GLG1: variants seen among roughly 807,000 people sequenced by gnomAD.
GLG1 encodes the protein Golgi apparatus protein 1.
Under a neutral mutation model 160.5 loss-of-function variants are expected in GLG1, and 38 were observed. That is an observed-to-expected ratio of 0.24 (90% confidence interval 0.18 to 0.31). The LOEUF is 0.31. Among genes scored for constraint, GLG1 ranks in the 10% least tolerant of loss-of-function variants. The pLI is 1.00. For missense variants in GLG1, 1,373 were observed against 1,505.2 expected (o/e 0.91, Z 1.45); for synonymous variants, 644 against 543.4 (o/e 1.19, Z -2.57).
chr16:74,589,192 T>A (rs919571559), intron 1 of GLG1, among the ~76,000 whole-genome samples: 4 of 151,530 alleles, frequency 2.6e-5, no homozygotes, highest in African/African-American at 9.7e-5. Context: ...GAGGCAGAGG[T>A]TGCAGTGAGC....
intron 15 of GLG1, among the ~76,000 whole-genome samples, chr16:74,470,780 G>C (rs563917801): frequency 6.7e-6 from 1 of 148,704 alleles, no homozygotes; most frequent in South Asian, 2.1e-4. Flanking sequence ...TTGCTGTTGA[G>C]ATGGAATCTT....
intron 1 of GLG1, among the ~76,000 whole-genome samples, chr16:74,556,442 C>T (rs1392176778): frequency 2.0e-5 from 3 of 152,008 alleles, no homozygotes; most frequent in Admixed American, 6.6e-5. Context: ...TTTATTTAAA[C>T]CAACTTTAGT....
rs576647077 is a variant in GLG1, at chr16:74,557,806, C to T, written c.439-25653G>A. On this transcript the variant is annotated intron_variant, in intron 1 of 25. Transcript: ENST00000422840. ...TCACCATGCTTTCTAGGCTGGTCTTCAACTCCTGGGTTCAAGTAATCCATC... is the reference window on the plus strand; with the variant it reads ...TCACCATGCTTTCTAGGCTGGTCTTTAACTCCTGGGTTCAAGTAATCCATC... Among the ~76,000 whole-genome samples the T allele has an allele frequency of 2.9e-4, 44 of 150,470 alleles. 1 individual carries two copies. The South Asian group carries it at 9.2e-3, about 32-fold the overall frequency.
At chr16:74,475,104 C>T (rs899606055) in intron 12 of GLG1, among the ~76,000 whole-genome samples, 1 of 145,338 alleles carries the variant, frequency 6.9e-6, no homozygotes, top group Non-Finnish European at 1.5e-5. Flanking sequence ...CTGCAGTAAG[C>T]CAGGATCGTG....
chr16:74,549,058 A>T (rs1479228692), intron 1 of GLG1, among the ~76,000 whole-genome samples: 1 of 152,234 alleles, frequency 6.6e-6, no homozygotes, highest in African/African-American at 2.4e-5. Context: ...TCAGCAAATG[A>T]ACCAATGTTG....
At chr16:74,517,045 A>G (rs566115400) in intron 2 of GLG1, among the ~76,000 whole-genome samples, 1 of 152,348 alleles carries the variant, frequency 6.6e-6, no homozygotes, top group South Asian at 2.1e-4. Flanking sequence ...AGGTTCTGAA[A>G]TTGAGGCAAT....
chr16:74,521,516 AGAG>A (rs2017163802), intron 2 of GLG1, among the ~76,000 whole-genome samples: 1 of 152,094 alleles, frequency 6.6e-6, no homozygotes, highest in South Asian at 2.1e-4. Flanking sequence ...GTGAAGTGTA[AGAG>A]GAGAAGAATC....
chr16:74,461,421 C>A (rs1421589699), intron 22 of GLG1: 1 of 150,812 alleles, frequency 6.6e-6, no homozygotes, highest in African/African-American at 2.4e-5. Flanking sequence ...CCCGCCTCAG[C>A]CTCCCTAAGT....
chr16:74,545,796 T>A (rs370284714), intron 1 of GLG1, among the ~76,000 whole-genome samples: 101 of 152,312 alleles, frequency 6.6e-4, no homozygotes, highest in African/African-American at 2.4e-3. Flanking sequence ...CTTTTCTAAG[T>A]TTTACTTAGG....
intron 10 of GLG1, among the ~76,000 whole-genome samples, chr16:74,481,449 G>T (rs938759413): frequency 2.0e-5 from 3 of 152,088 alleles, no homozygotes; most frequent in African/African-American, 7.2e-5. Context: ...AATATTTAAT[G>T]AGTAACTATG....
rs530586108 is a variant in GLG1 at position 74,603,379 on chromosome 16, C to CAG, written c.438+3276_438+3277dup. 1.3e-3 allele frequency among the ~76,000 whole-genome samples: 193 copies of CAG among 149,706 alleles called. 1 individual carries two copies. The highest frequency in any genetic ancestry group is 2.5e-3 in the Admixed American group (37 of 14,840). On this transcript the variant is annotated intron_variant, in intron 1 of 25. Transcript: ENST00000422840. ...GAGCCGAGATCACACCACTGCACTC[C>CAG]AGCCTGGCAACAGAATAAGACTCCG... is the stretch of plus-strand genomic sequence containing the variant.
intron 3 of GLG1, among the ~76,000 whole-genome samples, chr16:74,506,440 T>C (rs956830326): frequency 1.3e-5 from 2 of 148,868 alleles, no homozygotes; most frequent in African/African-American, 4.9e-5. Context: ...AAATTAGCCA[T>C]GTGTGGTAGC....
chr16:74,565,968 T>C (rs1047456423), intron 1 of GLG1, among the ~76,000 whole-genome samples: 4 of 152,230 alleles, frequency 2.6e-5, no homozygotes, highest in Non-Finnish European at 5.9e-5. Flanking sequence ...CTGATGATCT[T>C]GACTGTTTTG....
intron 2 of GLG1, among the ~76,000 whole-genome samples, chr16:74,509,802 T>C (rs977460142): frequency 1.3e-5 from 2 of 148,586 alleles, no homozygotes; most frequent in African/African-American, 2.5e-5. Flanking sequence ...TGAGCCGAGA[T>C]AGCGCCACTG....
chr16:74,456,260 G>A (rs2014533813), intron 25 of GLG1, among the ~76,000 whole-genome samples: 1 of 152,202 alleles, frequency 6.6e-6, no homozygotes, highest in Admixed American at 6.5e-5. Flanking sequence ...CTTGCAGACA[G>A]CCCGATGCAC....
intron 16 of GLG1, chr16:74,469,585 T>C (rs1422677735): frequency 5.2e-6 from 1 of 194,164 alleles, no homozygotes; most frequent in East Asian, 1.2e-4. Context: ...AAGATTCTGT[T>C]TCTTCACTAA....
chr16:74,575,330 C>T (rs1170650462), intron 1 of GLG1, among the ~76,000 whole-genome samples: 3 of 152,050 alleles, frequency 2.0e-5, no homozygotes, highest in Admixed American at 6.6e-5. Context: ...TGAGATGCAC[C>T]ATTACTTTAC....
chr16:74,598,615 G>A (rs764969529), intron 1 of GLG1, among the ~76,000 whole-genome samples: 22 of 151,726 alleles, frequency 1.4e-4, no homozygotes, highest in African/African-American at 4.6e-4. Context: ...AAATAAGGCC[G>A]GGCGCGGTGG....
intron 2 of GLG1, among the ~76,000 whole-genome samples, chr16:74,521,096 T>C (rs570516639): frequency 3.9e-5 from 6 of 152,252 alleles, no homozygotes; most frequent in East Asian, 3.9e-4. Context: ...GAATGTTCCA[T>C]GTGGAAAGAA....
Sources: allele counts gnomAD v4.1 joint callset (sites outside exome capture counted in the v4.1 genomes callset), GRCh38; gene constraint gnomAD v4.1.1; transcripts MANE v1.5; gene names NCBI Gene and HGNC (gene_info 2026-07-23, HGNC 2026-07-21).